ZMYM1: variants seen among roughly 807,000 people sequenced by gnomAD.
The protein encoded by ZMYM1 is zinc finger MYM-type containing 1, also known as zinc finger MYM-type protein 1.
ZMYM1 carries 39 observed loss-of-function variants against 60.0 expected under a neutral mutation model. The ratio of observed to expected loss-of-function variants is 0.65; its 90% CI spans 0.50 to 0.85. The LOEUF is 0.85. Among genes scored for constraint, ZMYM1 ranks in the 40% least tolerant of loss-of-function variants. ZMYM1 has a pLI of 0.00. For synonymous variants in ZMYM1, 413 were observed against 454.0 expected, an observed-to-expected ratio of 0.91 and a Z score of 1.15; for missense variants, 1,171 against 1,309.5, an observed-to-expected ratio of 0.89 and a Z score of 1.63.
intron 4 of ZMYM1, among the ~76,000 whole-genome samples, chr1:35,103,301 A>G (rs1643751918): frequency 6.6e-6 from 1 of 152,184 alleles, no homozygotes; most frequent in Admixed American, 6.5e-5. Context: ...AGTATGCATT[A>G]TATCTATAGA....
chr1:35,110,323 T>A lies in ZMYM1; in HGVS notation c.837T>A (p.Pro279=). ...QKPAKPLISV[P]CKPLKPSDEM... ...CTGCCAAACCACTTATATCTGTTCC[T>A]TGCAAACCATTGAAGCCCTCAGATG... is the stretch of plus-strand genomic sequence containing the variant. The change falls in exon 7 of 10, where the codon CCT becomes CCA. Residue 279 remains proline, a synonymous_variant. Coordinates refer to ENST00000359858, the MANE Select transcript of ZMYM1 (RefSeq NM_024772.5). The A allele has an allele frequency of 6.4e-7, 1 of 1,567,224 alleles. No individual in the cohort carries two copies. The highest frequency in any genetic ancestry group is 8.6e-7 in the Non-Finnish European group (1 of 1,161,232).
In ZMYM1 at chr1:35,104,532, A is replaced by T; in HGVS notation, c.595-25A>T. 1.2e-6 allele frequency: 2 copies of T among 1,612,692 alleles called. 1 individual carries two copies. The highest frequency in any genetic ancestry group is 2.7e-5 in the African/African-American group (2 of 74,970). On this transcript the variant is annotated intron_variant, in intron 5 of 9. Coordinates refer to ENST00000359858, the MANE Select transcript of ZMYM1 (RefSeq NM_024772.5). ...ATTCTGCTTAAATATCAGAGTTTTT[A>T]CTGAATCTTTTTATTAAATCCTAGA...
rs1644242437 is a variant in ZMYM1, at chr1:35,115,807, T to C, written c.*548T>C. 1 of 152,278 alleles carries C rather than the reference T, an allele frequency of 6.6e-6. No individual in the cohort carries two copies. Among genetic ancestry groups the C allele is most frequent in the South Asian group, 2.1e-4 (1 of 4,836 alleles). The allele number at this position is 152,278 out of a possible 1,614,324, so 9.4% of individuals were successfully genotyped here. ...CTATAAGGATTGTGCCAGTTTACAG[T>C]CCCACCCACAATGCATGAGAGTGCC... On this transcript the variant is annotated 3_prime_UTR_variant, in exon 10 of 10. Coordinates refer to ENST00000359858, the MANE Select transcript of ZMYM1 (RefSeq NM_024772.5).
At position 35,114,194 on chromosome 1, in the gene ZMYM1, T is replaced by C. The variant is rs1280241112; in HGVS notation, c.2364T>C (p.Phe788=). The change falls in exon 10 of 10, where the codon TTT becomes TTC. Residue 788 remains phenylalanine (F), a synonymous_variant. Coordinates refer to ENST00000359858, the MANE Select transcript of ZMYM1 (RefSeq NM_024772.5). The stretch of plus-strand genomic sequence containing the variant: ...TGTCTGGGGAAATGTTGGCAAATTT[T>C]CGAAACATTTATAGGCTAAGTCAAA... The part of the protein sequence containing the change: ...ICMSGEMLAN[F]RNIYRLSQNK... 1 of 1,612,450 alleles carries C rather than the reference T, an allele frequency of 6.2e-7. No individual in the cohort carries two copies. The highest frequency in any genetic ancestry group is 1.1e-5 in the South Asian group (1 of 90,442).
intron 1 of ZMYM1, among the ~76,000 whole-genome samples, chr1:35,083,842 C>T (rs568884647): frequency 4.6e-5 from 7 of 152,242 alleles, no homozygotes; most frequent in East Asian, 1.9e-4. Context: ...AGGCTGGTCT[C>T]GAACTCCTGG....
intron 1 of ZMYM1, among the ~76,000 whole-genome samples, chr1:35,092,761 G>A (rs1643101729): frequency 6.6e-6 from 1 of 152,014 alleles, no homozygotes; most frequent in Non-Finnish European, 1.5e-5. Flanking sequence ...CCGAGTAGCT[G>A]GGATTACCAG....
chr1:35,078,537 A>ATTTTTTTTTTTTTTTTTTTT (rs751468260), upstream of ZMYM1, among the ~76,000 whole-genome samples: 7 of 82,234 alleles, frequency 8.5e-5, 1 homozygote, highest in East Asian at 6.0e-4. Context: ...GGTTATTTTA[A>ATTTTTTTTTTTTTTTTTTTT]TTTTTTTTTT....
intron 6 of ZMYM1, 102 bp downstream of exon 6, chr1:35,104,871 C>T (rs909022043): frequency 3.1e-5 from 27 of 881,032 alleles, no homozygotes; most frequent in South Asian, 2.0e-4. Flanking sequence ...GGAATAATGT[C>T]GATAAGTTGA....
At position 35,114,944 on chromosome 1, in the gene ZMYM1, T is replaced by C; in HGVS notation, c.3114T>C (p.Phe1038=). The C allele has an allele frequency of 6.2e-7, 1 of 1,613,878 alleles. No individual in the cohort carries two copies. Among genetic ancestry groups the C allele is most frequent in the East Asian group, 2.2e-5 (1 of 44,872 alleles). Residue 1038 remains phenylalanine (F), a synonymous_variant, in exon 10 of 10, where the codon TTT becomes TTC. Transcript: ENST00000359858. Reference sequence around the variant, plus strand: ...ATCGACATTATGCAAAGCTTAACTTTGTCATAGATGATAGTTGCATAAACT... The same window carrying C: ...ATCGACATTATGCAAAGCTTAACTTCGTCATAGATGATAGTTGCATAAACT... ...RFYRHYAKLN[F]VIDDSCINFV...
At chr1:35,073,480 T>G (rs1642110267) in intron 1 of ZMYM1, among the ~76,000 whole-genome samples, 1 of 150,768 alleles carries the variant, frequency 6.6e-6, no homozygotes, top group South Asian at 2.1e-4. Context: ...AGCAGATTGC[T>G]CAAGTGAAGG....
At position 35,110,363 on chromosome 1, in the gene ZMYM1, A is replaced by T. The variant is rs753536680; in HGVS notation, c.877A>T (p.Thr293Ser). 4.4e-6 allele frequency: 7 copies of T among 1,597,640 alleles called. No homozygotes were observed. In the Admixed American group the frequency reaches 8.7e-5, roughly 20 times the overall value. Residue 293 changes from threonine to serine, a missense_variant, in exon 7 of 10, where the codon ACG becomes TCG. Coordinates refer to ENST00000359858, the MANE Select transcript of ZMYM1 (RefSeq NM_024772.5). ...GCCCTCAGATGAAATGATTGAGACT[A>T]CGAGTGATTTGGGGAAGACAGAGCT... ...LKPSDEMIET[T>S]SDLGKTELFC...
At chr1:35,073,334 A>AAGGAAGG (rs1557626472) in intron 1 of ZMYM1, among the ~76,000 whole-genome samples, 2 of 44,200 alleles carry the variant, frequency 4.5e-5, no homozygotes, top group South Asian at 1.2e-3. Context: ...AGGGAGAAAG[A>AAGGAAGG]AAGAAAGGAA....
chr1:35,109,566 T>A (rs1370898094), intron 6 of ZMYM1, among the ~76,000 whole-genome samples: 1 of 152,186 alleles, frequency 6.6e-6, no homozygotes, highest in East Asian at 1.9e-4. Flanking sequence ...ATTCCCACAG[T>A]ATCTTGTAAG....
upstream of ZMYM1, among the ~76,000 whole-genome samples, chr1:35,074,653 C>T (rs981987351): frequency 7.9e-5 from 12 of 151,842 alleles, no homozygotes; most frequent in South Asian, 1.2e-3. Context: ...GTGATCCACC[C>T]GCCTCAGCCT....
rs144206020 is a variant in ZMYM1 at position 35,083,512 on chromosome 1, C to T, written c.-75+4070C>T. On this transcript the variant is annotated intron_variant, in intron 1 of 9. Transcript: ENST00000359858. ...AGTGTAACTATGACATGCCTACTCG[C>T]GTTTTTCTTTATATCTTATTTGTGA... Among the ~76,000 whole-genome samples, 446 of 152,196 alleles carry T rather than the reference C, an allele frequency of 2.9e-3. 1 individual carries two copies. Among genetic ancestry groups the T allele is most frequent in the African/African-American group, 9.9e-3 (410 of 41,508 alleles).
At chr1:35,106,558 G>A (rs1346108332) in intron 6 of ZMYM1, among the ~76,000 whole-genome samples, 5 of 142,434 alleles carry the variant, frequency 3.5e-5, no homozygotes, top group African/African-American at 1.1e-4. Flanking sequence ...GCAGTGAGCC[G>A]AGATGGCACC....
At chr1:35,110,471 G>C in intron 7 of ZMYM1, 24 bp downstream of exon 7, 5 of 1,415,564 alleles carry the variant, frequency 3.5e-6, no homozygotes, top group Non-Finnish European at 4.6e-6. Flanking sequence ...AGCAATTGTA[G>C]GGGTTTAGTA....
chr1:35,107,470 GA>G (rs1324993843), intron 6 of ZMYM1, among the ~76,000 whole-genome samples: 377 of 128,990 alleles, frequency 2.9e-3, no homozygotes, highest in East Asian at 5.5e-3. Context: ...CTCTGTCTCA[GA>G]AAAAAAAAAA....
At chr1:35,080,246 C>T (rs1281610977) in intron 1 of ZMYM1, among the ~76,000 whole-genome samples, 3 of 152,068 alleles carry the variant, frequency 2.0e-5, no homozygotes, top group Non-Finnish European at 2.9e-5. Flanking sequence ...CTTCTACTAG[C>T]ACTCTTGCAC....
Sources: gnomAD v4.1 joint callset for allele counts (sites outside exome capture counted in the v4.1 genomes callset) on GRCh38, gnomAD v4.1.1 for gene constraint, MANE v1.5 for transcripts, NCBI Gene and HGNC (gene_info 2026-07-23, HGNC 2026-07-21) for gene names.